GLG1: variants seen among roughly 807,000 people sequenced by gnomAD.
GLG1 encodes golgi glycoprotein 1, also known as Golgi apparatus protein 1.
A neutral mutation model predicts 160.5 loss-of-function variants in GLG1; 38 were observed. That is an observed-to-expected ratio of 0.24 (90% CI 0.18 to 0.31). GLG1 has a LOEUF of 0.31. GLG1 is among the 10% of genes least tolerant of loss of function. The pLI is 1.00. For missense variants in GLG1, 1,373 were observed against 1,505.2 expected, an observed-to-expected ratio of 0.91 and a Z score of 1.45; for synonymous variants, 644 against 543.4, an observed-to-expected ratio of 1.19 and a Z score of -2.57.
chr16:74,557,776 G>A (rs1452929080), intron 1 of GLG1, among the ~76,000 whole-genome samples: 2 of 151,796 alleles, frequency 1.3e-5, no homozygotes, highest in Non-Finnish European at 2.9e-5. Context: ...GGTAGGGTTG[G>A]GGTTTCACCA....
chr16:74,555,277 A>T (rs1018274581), intron 1 of GLG1, among the ~76,000 whole-genome samples: 9 of 152,204 alleles, frequency 5.9e-5, no homozygotes, highest in African/African-American at 2.2e-4. Flanking sequence ...TCCTAGATTG[A>T]CAGAACATAA....
chr16:74,544,545 T>TCA (rs145516356), intron 1 of GLG1, among the ~76,000 whole-genome samples: 77 of 152,316 alleles, frequency 5.1e-4, no homozygotes, highest in African/African-American at 1.8e-3. Context: ...CTCACTCTGT[T>TCA]GCCCAGGCTG....
chr16:74,571,970 A>T (rs140602135), intron 1 of GLG1, among the ~76,000 whole-genome samples: 52 of 152,312 alleles, frequency 3.4e-4, no homozygotes, highest in Non-Finnish European at 6.6e-4. Flanking sequence ...ATCTAACTAA[A>T]AGCCTTGGAG....
chr16:74,482,387 C>T (rs2015632768), intron 10 of GLG1, among the ~76,000 whole-genome samples: 1 of 152,142 alleles, frequency 6.6e-6, no homozygotes, highest in South Asian at 2.1e-4. Context: ...GCTAGAGAAG[C>T]AGTTGGATCC....
At chr16:74,605,859 C>T (rs1037960154) in intron 1 of GLG1, among the ~76,000 whole-genome samples, 2 of 152,292 alleles carry the variant, frequency 1.3e-5, no homozygotes, top group African/African-American at 2.4e-5. Context: ...TGCTCCCAAA[C>T]TTTGAGAATT....
chr16:74,571,806 T>C (rs923858179), intron 1 of GLG1, among the ~76,000 whole-genome samples: 4 of 151,934 alleles, frequency 2.6e-5, no homozygotes, highest in Non-Finnish European at 5.9e-5. Context: ...AGAGACCCTG[T>C]CTCAAAAAAT....
intron 1 of GLG1, among the ~76,000 whole-genome samples, chr16:74,544,178 C>T (rs1362129409): frequency 1.3e-5 from 2 of 152,192 alleles, no homozygotes; most frequent in African/African-American, 4.8e-5. Flanking sequence ...CTCCTAAGTA[C>T]TTCTAAGCAT....
intron 3 of GLG1, 77 bp from the exon 4 acceptor site, chr16:74,503,823 T>C (rs2016503215): frequency 3.1e-6 from 3 of 954,012 alleles, no homozygotes; most frequent in Non-Finnish European, 4.9e-6. Context: ...GAGAAAAATG[T>C]CTGAAATTTT....
intron 1 of GLG1, among the ~76,000 whole-genome samples, chr16:74,603,174 G>C (rs1958484129): frequency 6.6e-6 from 1 of 152,062 alleles, no homozygotes; most frequent in Admixed American, 6.6e-5. Flanking sequence ...CACTTTGGGA[G>C]ACCAAGGTGG....
intron 8 of GLG1, among the ~76,000 whole-genome samples, chr16:74,489,532 T>C (rs2015909130): frequency 6.6e-6 from 1 of 152,062 alleles, no homozygotes; most frequent in African/African-American, 2.4e-5. Context: ...TGTGCTGCTT[T>C]AAGGATGAAG....
chr16:74,482,827 T>C (rs1363478963), intron 10 of GLG1, among the ~76,000 whole-genome samples, 196 bp downstream of exon 10: 2 of 152,172 alleles, frequency 1.3e-5, no homozygotes, highest in Non-Finnish European at 2.9e-5. Flanking sequence ...TACAGGCTGG[T>C]AGTGGGCTGA....
Position 74,544,647 on chromosome 16 carries a change from C to T in GLG1, c.439-12494G>A, listed in dbSNP as rs373780470. ...TTACTTAGTCTTATGATTACAGGCG[C>T]GTGCCACCACGCCCAGCTAATTTTT... On this transcript the variant is annotated intron_variant, in intron 1 of 25. Coordinates refer to ENST00000422840, the MANE Select transcript of GLG1 (RefSeq NM_001145667.2). 7.2e-5 allele frequency among the ~76,000 whole-genome samples: 11 copies of T among 152,280 alleles called. No homozygotes were observed. In the South Asian group the frequency reaches 8.3e-4, roughly 11 times the overall value.
chr16:74,548,122 A>G (rs187279151), intron 1 of GLG1, among the ~76,000 whole-genome samples: 5 of 152,312 alleles, frequency 3.3e-5, no homozygotes, highest in East Asian at 1.9e-4. Context: ...TCAATAGTCA[A>G]TATCTATTTC....
rs371378105 is a variant in GLG1, at chr16:74,606,867, C to T, written c.228G>A (p.Gln76=). The T allele has an allele frequency of 1.9e-5, 31 of 1,598,996 alleles. No individual in the cohort carries two copies. Among genetic ancestry groups the T allele is most frequent in the Non-Finnish European group, 2.2e-5 (26 of 1,174,090 alleles). Residue 76 remains glutamine, a synonymous_variant, in exon 1 of 26, where the codon CAG becomes CAA. Transcript: ENST00000422840. ...GCTGCTGTTGCTGTTGCTGCTGCTG[C>T]TGTTGCTGCTGAAGCTGCGATGACT... ...LPQSSQLQQQ[Q]QQQQQQQQPQ...
At chr16:74,494,513 T>A (rs963055083) in intron 6 of GLG1, among the ~76,000 whole-genome samples, 2 of 151,518 alleles carry the variant, frequency 1.3e-5, no homozygotes, top group Admixed American at 1.3e-4. Flanking sequence ...TTCAAGTGAT[T>A]TTCCTGCTTC....
chr16:74,570,071 G>A (rs1470655081), intron 1 of GLG1, among the ~76,000 whole-genome samples: 1 of 151,402 alleles, frequency 6.6e-6, no homozygotes, highest in Non-Finnish European at 1.5e-5. Flanking sequence ...TTTTTTGATG[G>A]CTCATAATTT....
chr16:74,606,274 T>C (rs973600803), intron 1 of GLG1, among the ~76,000 whole-genome samples: 1 of 152,254 alleles, frequency 6.6e-6, no homozygotes, highest in Non-Finnish European at 1.5e-5. Flanking sequence ...TATGTTTAAA[T>C]GGCTTGCCAC....
rs752055366 is a variant in GLG1, at chr16:74,498,433, C to CAA, written c.775-1791_775-1790dup. Among the ~76,000 whole-genome samples, 67 of 30,220 alleles carry CAA rather than the reference C, an allele frequency of 2.2e-3. 1 individual carries two copies. Among genetic ancestry groups the CAA allele is most frequent in the East Asian group, 7.9e-3 (8 of 1,018 alleles). The allele number at this position is 30,220 out of a possible 152,430, so 19.8% of individuals were successfully genotyped here. A position where few individuals can be genotyped will look rare whatever the true frequency, so the allele number is the denominator to read the frequency against. On this transcript the variant is annotated intron_variant, in intron 4 of 25. Transcript: ENST00000422840. The stretch of plus-strand genomic sequence containing the variant: ...GGAGGTGCAGTGCAAGGCTCTGTCT[C>CAA]AAAAAAAAAAAAAAGTATATATATA...
At position 74,504,166 on chromosome 16, in the gene GLG1, C is replaced by G. The variant is rs75068192; in HGVS notation, c.559-420G>C. On this transcript the variant is annotated intron_variant, in intron 3 of 25. Coordinates refer to ENST00000422840, the MANE Select transcript of GLG1 (RefSeq NM_001145667.2). ...GGGAGGAAGATTTGACAAACAGGTG[C>G]AAAAGTGAAGTCCAGCTGCATACCC... Among the ~76,000 whole-genome samples, 268 of 152,204 alleles carry G rather than the reference C, an allele frequency of 1.8e-3. 9 individuals carry two copies. In the East Asian group the frequency reaches 0.047, roughly 27 times the overall value.
Sources: allele counts gnomAD v4.1 joint callset (sites outside exome capture counted in the v4.1 genomes callset), GRCh38; gene constraint gnomAD v4.1.1; transcripts MANE v1.5; gene names NCBI Gene and HGNC (gene_info 2026-07-23, HGNC 2026-07-21).